AXDND1: variants seen among roughly 807,000 people sequenced by gnomAD.
AXDND1 encodes the protein axonemal dynein light chain domain containing 1, also known as axonemal dynein light chain domain-containing protein 1.
Under a neutral mutation model 137.5 loss-of-function variants are expected in AXDND1, and 110 were observed. The ratio of observed to expected loss-of-function variants is 0.80; its 90% CI spans 0.69 to 0.94. The LOEUF (loss-of-function observed/expected upper bound fraction) is 0.94. Among genes scored for constraint, AXDND1 ranks in the 40% least tolerant of loss-of-function variants. AXDND1 has a pLI of 0.00. For synonymous variants in AXDND1, 414 were observed against 399.7 expected (o/e 1.04, Z -0.43); for missense variants, 1,191 against 1,169.8 (o/e 1.02, Z -0.26).
intron 9 of AXDND1, among the ~76,000 whole-genome samples, 169 bp from the exon 10 acceptor site, chr1:179,393,734 C>CTT (rs569532352): frequency 6.7e-6 from 1 of 148,520 alleles, no homozygotes; most frequent in African/African-American, 2.5e-5. Flanking sequence ...TTTTCTTTTT[C>CTT]TTTTTTTTTG....
intron 11 of AXDND1, among the ~76,000 whole-genome samples, chr1:179,403,376 T>G (rs1205611606): frequency 6.6e-6 from 1 of 152,204 alleles, no homozygotes; most frequent in Non-Finnish European, 1.5e-5. Context: ...TCTTGTGACA[T>G]CATGACTCTT....
chr1:179,442,822 C>T (rs921135496), intron 15 of AXDND1, among the ~76,000 whole-genome samples: 3 of 152,008 alleles, frequency 2.0e-5, no homozygotes, highest in Admixed American at 6.6e-5. Context: ...CTATGTAACC[C>T]GCACGAAACT....
intron 12 of AXDND1, among the ~76,000 whole-genome samples, chr1:179,419,285 C>T (rs555293802): frequency 5.1e-4 from 78 of 152,054 alleles, no homozygotes; most frequent in African/African-American, 1.7e-3. Flanking sequence ...GTGGTTGTAG[C>T]GAGCCAAGAT....
chr1:179,407,117 GT>G (rs1413569771), intron 11 of AXDND1, among the ~76,000 whole-genome samples: 18 of 152,058 alleles, frequency 1.2e-4, no homozygotes, highest in African/African-American at 4.3e-4. Context: ...TGGTCTAGTG[GT>G]GATGAATTTC....
intron 23 of AXDND1, among the ~76,000 whole-genome samples, chr1:179,531,474 C>T: frequency 6.6e-6 from 1 of 152,074 alleles, no homozygotes; most frequent in East Asian, 1.9e-4. Context: ...AGTCAGCCAG[C>T]CTGTGAGACT....
At chr1:179,371,498 G>A (rs555862946) in intron 4 of AXDND1, among the ~76,000 whole-genome samples, 1 of 152,234 alleles carries the variant, frequency 6.6e-6, no homozygotes, top group African/African-American at 2.4e-5. Context: ...TAAGTGTGAA[G>A]TCAGGTTGAC....
chr1:179,436,113 TTAGAGAAATG>T (rs1439507124), intron 15 of AXDND1, among the ~76,000 whole-genome samples: 1 of 152,088 alleles, frequency 6.6e-6, no homozygotes, highest in African/African-American at 2.4e-5. Flanking sequence ...TCACTGATAA[TTAGAGAAATG>T]CAAATCAAAA....
chr1:179,468,376 T>C (rs1663494027), intron 16 of AXDND1, 67 bp from the exon 17 acceptor site: 1 of 1,112,922 alleles, frequency 9.0e-7, no homozygotes, highest in South Asian at 1.5e-5. Context: ...TAGGATTTTA[T>C]AATTTGGTAT....
At chr1:179,380,287 TA>T (rs1558093885) in intron 6 of AXDND1, among the ~76,000 whole-genome samples, 1 of 137,366 alleles carries the variant, frequency 7.3e-6, no homozygotes, top group African/African-American at 2.5e-5. Context: ...AGATACAAAT[TA>T]AAAAAAATAA....
At chr1:179,528,735 G>A (rs930013808) in intron 23 of AXDND1, among the ~76,000 whole-genome samples, 1 of 148,536 alleles carries the variant, frequency 6.7e-6, no homozygotes, top group Non-Finnish European at 1.5e-5. Context: ...GGGATTACAG[G>A]TTCCTGCTAC....
Position 179,528,650 on chromosome 1 carries a change from T to TC in AXDND1, c.2715+219_2715+220insC. 2.7e-5 allele frequency among the ~76,000 whole-genome samples: 4 copies of TC among 149,732 alleles called. 1 individual carries two copies. In the Middle Eastern group the frequency reaches 0.01, roughly 385 times the overall value. ...TCTCATCTTTAAACCTCTTTTTTTT[T>TC]TTTTTTTTTTTGACAGAGTTTTGCT... is the stretch of plus-strand genomic sequence containing the variant. On this transcript the variant is annotated intron_variant, in intron 23 of 25. Coordinates refer to ENST00000367618, the MANE Select transcript of AXDND1 (RefSeq NM_144696.6).
intron 9 of AXDND1, among the ~76,000 whole-genome samples, chr1:179,392,135 T>C (rs986316454): frequency 1.3e-5 from 2 of 152,194 alleles, no homozygotes; most frequent in African/African-American, 4.8e-5. Context: ...CATCCTAATC[T>C]TCCTCCTCAG....
At chr1:179,423,714 A>T (rs1466243588) in intron 12 of AXDND1, among the ~76,000 whole-genome samples, 1 of 152,194 alleles carries the variant, frequency 6.6e-6, no homozygotes, top group Non-Finnish European at 1.5e-5. Flanking sequence ...GCAAATAAAA[A>T]ATGAAAAAAA....
intron 4 of AXDND1, among the ~76,000 whole-genome samples, chr1:179,372,740 A>G (rs1187436655): frequency 2.0e-5 from 3 of 152,058 alleles, no homozygotes; most frequent in South Asian, 2.1e-4. Flanking sequence ...CTGGAGTGCA[A>G]TGGCGCAGTC....
intron 25 of AXDND1, among the ~76,000 whole-genome samples, chr1:179,541,548 G>A (rs1026172972): frequency 6.6e-6 from 1 of 151,650 alleles, no homozygotes. Flanking sequence ...AGTTATACAG[G>A]TAATACTTGT....
chr1:179,381,983 G>A lies in AXDND1; in HGVS notation c.582-717G>A, dbSNP rs550235409. ...TTTTTTTTGTATTTTTAGTAGCGAC[G>A]GGGTTTCACCATGTTGGCCAGGCTG... On this transcript the variant is annotated intron_variant, in intron 6 of 25. Transcript: ENST00000367618. Among the ~76,000 whole-genome samples, 8 of 137,202 alleles carry A rather than the reference G, an allele frequency of 5.8e-5. No homozygotes were observed. In the South Asian group the frequency reaches 1.1e-3, roughly 20 times the overall value. The allele number at this position is 137,202 out of a possible 152,430, so 90.0% of individuals were successfully genotyped here. A position where few individuals can be genotyped will look rare whatever the true frequency, so the allele number is the denominator to read the frequency against.
chr1:179,553,100 C>G (rs1269661936), intron 25 of AXDND1, among the ~76,000 whole-genome samples: 1 of 152,148 alleles, frequency 6.6e-6, no homozygotes, highest in South Asian at 2.1e-4. Context: ...GTACAACTGA[C>G]CAAATAAGAA....
rs1657071584 is a variant in AXDND1 at position 179,429,503 on chromosome 1, AC to A, written c.1231-14del. 1 of 1,355,574 alleles carries A rather than the reference AC, an allele frequency of 7.4e-7. No homozygotes were observed. The highest frequency in any genetic ancestry group is 1.5e-5 in the African/African-American group (1 of 66,218). 84.0% of individuals were successfully genotyped at this position (1,355,574 alleles called of 1,614,324 possible). On this transcript the variant is annotated splice_polypyrimidine_tract_variant and intron_variant, in intron 12 of 25. Coordinates refer to ENST00000367618, the MANE Select transcript of AXDND1 (RefSeq NM_144696.6). ...AATGTTTTAGGTTCCTGATTATAGT[AC>A]ATTATTTTTATAGGTGATTGAAAGA...
At chr1:179,390,497 G>T (rs1649982671) in intron 9 of AXDND1, among the ~76,000 whole-genome samples, 1 of 152,058 alleles carries the variant, frequency 6.6e-6, no homozygotes, top group African/African-American at 2.4e-5. Context: ...TGAAAAAATG[G>T]CTTTATTCAT....
Sources: gnomAD v4.1 joint callset for allele counts (sites outside exome capture counted in the v4.1 genomes callset) on GRCh38, gnomAD v4.1.1 for gene constraint, MANE v1.5 for transcripts, NCBI Gene and HGNC (gene_info 2026-07-23, HGNC 2026-07-21) for gene names.